Variants in MED17 observed in about 807,000 individuals in gnomAD.
MED17 encodes the protein mediator of RNA polymerase II transcription subunit 17.
MED17 carries 49 observed loss-of-function variants against 80.8 expected under a neutral mutation model. The ratio of observed to expected loss-of-function variants is 0.61; its 90% CI spans 0.48 to 0.77. MED17 has a LOEUF of 0.77. Ranked by LOEUF, MED17 falls within the 30% of genes least tolerant of loss-of-function variation. MED17 has a pLI of 0.00. For missense variants in MED17, 718 were observed against 787.0 expected (o/e 0.91, Z 1.05); for synonymous variants, 281 against 280.4 (o/e 1.00, Z -0.02).
In MED17 at chr11:93,788,017, G is replaced by T; in HGVS notation, c.267G>T (p.Gln89His). 1 of 1,613,734 alleles carries T rather than the reference G, an allele frequency of 6.2e-7. No homozygotes were observed. The highest frequency in any genetic ancestry group is 8.5e-7 in the Non-Finnish European group (1 of 1,179,892). Residue 89 changes from glutamine (Q) to histidine (H), a missense_variant, in exon 2 of 12, where the codon CAG becomes CAT. Transcript: ENST00000251871. ...TCTTTTTAGGAGTGGTAAAATTTCA[G>T]CCTTCCCTTTGGCCTTGGGACTCAG... ...QDDEEGVVKFQPSLWPWDSVR... is the reference protein window; with the variant it reads ...QDDEEGVVKFHPSLWPWDSVR...
chr11:93,793,684 T>C (rs1943867677), intron 3 of MED17, 44 bp from the exon 4 acceptor site: 3 of 1,351,836 alleles, frequency 2.2e-6, no homozygotes, highest in Non-Finnish European at 3.2e-6. Context: ...GTCGGAATAA[T>C]ATGTTAACTG....
rs772851172 is a variant in MED17 at position 93,812,008 on chromosome 11, A to G, written c.1900A>G (p.Asn634Asp). ...EVQWNKMEGR[N>D]FVYKMELLMS... ...TCAGTGGAATAAAATGGAAGGTCGA[A>G]ATTTTGTTTATAAAATGGAGCTGCT... is the stretch of plus-strand genomic sequence containing the variant. Residue 634 changes from asparagine (N) to aspartate (D), a missense_variant, in exon 12 of 12, where the codon AAT becomes GAT. Coordinates refer to ENST00000251871, the MANE Select transcript of MED17 (RefSeq NM_004268.5). 2 of 1,614,092 alleles carry G rather than the reference A, an allele frequency of 1.2e-6. No homozygotes were observed. Among genetic ancestry groups the G allele is most frequent in the Non-Finnish European group, 1.7e-6 (2 of 1,180,002 alleles).
chr11:93,799,154 A>G (rs1943935334), intron 8 of MED17, among the ~76,000 whole-genome samples: 1 of 150,798 alleles, frequency 6.6e-6, no homozygotes. Context: ...TGGGCAACAT[A>G]GTGAGACCTT....
At chr11:93,798,913 A>G (rs1943933482) in intron 8 of MED17, among the ~76,000 whole-genome samples, 1 of 152,226 alleles carries the variant, frequency 6.6e-6, no homozygotes, top group Non-Finnish European at 1.5e-5. Flanking sequence ...TATTCCCCAA[A>G]TAAATGATCA....
At chr11:93,786,971 A>G (rs1248158411) in intron 1 of MED17, among the ~76,000 whole-genome samples, 2 of 152,172 alleles carry the variant, frequency 1.3e-5, no homozygotes, top group African/African-American at 4.8e-5. Context: ...ATGTTCCAGA[A>G]TATCATACAG....
chr11:93,804,142 A>C (rs1944000026), intron 9 of MED17, among the ~76,000 whole-genome samples: 1 of 151,780 alleles, frequency 6.6e-6, no homozygotes, highest in Admixed American at 6.6e-5. Flanking sequence ...AAGCAAGGAG[A>C]GTCAGTCCAA....
At chr11:93,789,100 G>A (rs950075858) in intron 2 of MED17, 1 of 152,170 alleles carries the variant, frequency 6.6e-6, no homozygotes, top group South Asian at 2.1e-4. Context: ...GGTCCTTAAG[G>A]AAAACAAGTG....
chr11:93,802,915 C>T (rs1377512766), intron 9 of MED17, among the ~76,000 whole-genome samples: 1 of 152,158 alleles, frequency 6.6e-6, no homozygotes, highest in African/African-American at 2.4e-5. Context: ...TTTGGCCTAC[C>T]TTTTGAGCCT....
At chr11:93,802,933 A>G (rs1009756122) in intron 9 of MED17, among the ~76,000 whole-genome samples, 1 of 152,204 alleles carries the variant, frequency 6.6e-6, no homozygotes, top group Admixed American at 6.5e-5. Flanking sequence ...CCTTTTTGAA[A>G]TTTAACACCT....
intron 9 of MED17, among the ~76,000 whole-genome samples, chr11:93,803,261 T>G (rs1292002304): frequency 6.6e-6 from 1 of 152,260 alleles, no homozygotes; most frequent in African/African-American, 2.4e-5. Context: ...TATTGTTTTC[T>G]TTCTTTTTGA....
chr11:93,803,297 A>G (rs1389506158), intron 9 of MED17, among the ~76,000 whole-genome samples: 1 of 152,152 alleles, frequency 6.6e-6, no homozygotes, highest in Admixed American at 6.5e-5. Context: ...GTCATTTCCA[A>G]TATAATACTA....
At chr11:93,810,165 AAC>A (rs1944070987) in intron 11 of MED17, 18 of 391,906 alleles carry the variant, frequency 4.6e-5, no homozygotes, top group South Asian at 4.1e-4. Context: ...AATGGATAAA[AAC>A]TTTAAAAAAA....
In MED17 at chr11:93,809,737, T is replaced by C. The variant is rs140246397; in HGVS notation, c.1605T>C (p.His535=). 1.4e-4 allele frequency: 224 copies of C among 1,614,180 alleles called. No homozygotes were observed. In the African/African-American group the frequency reaches 2.7e-3, roughly 20 times the overall value. ...LLSQMSQHQV[H]AVQQLAKVMG... is the part of the protein sequence containing the mutation. ...CACAGATGTCACAGCACCAGGTACA[T>C]GCAGTTCAGCAACTCGCCAAGGTTA... Residue 535 remains histidine (H), a synonymous_variant, in exon 11 of 12, where the codon CAT becomes CAC. Transcript: ENST00000251871.
chr11:93,809,122 G>T (rs1406912008), intron 10 of MED17: 1 of 162,724 alleles, frequency 6.1e-6, no homozygotes, highest in Non-Finnish European at 1.4e-5. Flanking sequence ...CCATTCCTAG[G>T]CCAAAGTTAA....
chr11:93,799,737 C>T (rs942101273), intron 8 of MED17, among the ~76,000 whole-genome samples: 15 of 152,156 alleles, frequency 9.9e-5, no homozygotes, highest in Admixed American at 2.6e-4. Flanking sequence ...GATCACACCC[C>T]GCTACACTCC....
chr11:93,787,928 A>C, intron 1 of MED17, 73 bp from the exon 2 acceptor site: 1 of 1,253,032 alleles, frequency 8.0e-7, no homozygotes, highest in Non-Finnish European at 1.2e-6. Flanking sequence ...TACTTTTTAA[A>C]CCTAAGTGAG....
rs565946966 is a variant in MED17 at position 93,784,823 on chromosome 11, T to A, written c.250+60T>A. 18 of 1,528,318 alleles carry A rather than the reference T, an allele frequency of 1.2e-5. No homozygotes were observed. The South Asian group carries it at 2.0e-4, about 17-fold the overall frequency. The allele number at this position is 1,528,318 out of a possible 1,614,324, so 94.7% of individuals were successfully genotyped here. A position where few individuals can be genotyped will look rare whatever the true frequency, so the allele number is the denominator to read the frequency against. On this transcript the variant is annotated intron_variant, in intron 1 of 11. Transcript: ENST00000251871. ...CTGGGTCCCAGCACCCGCGCGGGCC[T>A]CCGCCTCTCCCGCGATGGGGGTGAT...
chr11:93,809,508 C>T (rs945043806), intron 10 of MED17: 1 of 612,802 alleles, frequency 1.6e-6, no homozygotes, highest in South Asian at 1.8e-5. Flanking sequence ...GCAGGAGAAG[C>T]AAGTATCAGG....
chr11:93,794,462 C>G (rs1943879621), intron 5 of MED17: 2 of 247,648 alleles, frequency 8.1e-6, no homozygotes, highest in Non-Finnish European at 1.6e-5. Flanking sequence ...CCTTAGCCTC[C>G]CAAAGTGCTA....
Sources: gnomAD v4.1 joint callset for allele counts (sites outside exome capture counted in the v4.1 genomes callset) on GRCh38, gnomAD v4.1.1 for gene constraint, MANE v1.5 for transcripts, NCBI Gene and HGNC (gene_info 2026-07-23, HGNC 2026-07-21) for gene names.